HSD17B12: variants seen among roughly 807,000 people sequenced by gnomAD.
HSD17B12 encodes very-long-chain 3-oxoacyl-CoA reductase.
In HSD17B12, 32 loss-of-function variants were observed where a neutral mutation model predicts 39.3. The ratio of observed to expected loss-of-function variants is 0.81; its 90% CI spans 0.61 to 1.09. The LOEUF is 1.09. Ranked by LOEUF, HSD17B12 falls within the 50% of genes least tolerant of loss-of-function variation. The pLI is 0.00. For synonymous variants in HSD17B12, 150 were observed against 146.7 expected (o/e 1.02, Z -0.16); for missense variants, 342 against 382.9 (o/e 0.89, Z 0.89).
the HSD17B12 span, among the ~76,000 whole-genome samples, chr11:43,599,137 C>A: frequency 6.6e-6 from 1 of 152,138 alleles, no homozygotes. Flanking sequence ...AATTCTTATA[C>A]CTAGATAAAA....
intron 1 of HSD17B12, among the ~76,000 whole-genome samples, chr11:43,687,661 T>C (rs1438459799): frequency 6.6e-6 from 1 of 152,136 alleles, no homozygotes; most frequent in African/African-American, 2.4e-5. Context: ...CCAGGAAAGC[T>C]CAGATATGAG....
chr11:43,587,616 G>A, the HSD17B12 span, among the ~76,000 whole-genome samples: 1 of 152,352 alleles, frequency 6.6e-6, no homozygotes, highest in African/African-American at 2.4e-5. Flanking sequence ...GCTCGTAACT[G>A]AGAGGCAAGG....
chr11:43,745,217 T>G (rs1950402393), intron 1 of HSD17B12, among the ~76,000 whole-genome samples: 1 of 152,220 alleles, frequency 6.6e-6, no homozygotes. Context: ...TGTTTTTAGT[T>G]TTATGGTATG....
At chr11:43,847,059 G>A (rs1188304285) in intron 9 of HSD17B12, among the ~76,000 whole-genome samples, 1 of 144,756 alleles carries the variant, frequency 6.9e-6, no homozygotes, top group Non-Finnish European at 1.5e-5. Context: ...CTAAAAAAGA[G>A]TGATATGTTC....
At chr11:43,770,361 C>T (rs1950637378) in intron 3 of HSD17B12, among the ~76,000 whole-genome samples, 1 of 152,192 alleles carries the variant, frequency 6.6e-6, no homozygotes, top group Non-Finnish European at 1.5e-5. Flanking sequence ...CCAGCCCACT[C>T]ATATAGTGCA....
At chr11:43,580,749 A>ATTTGAATAAT in the HSD17B12 span, among the ~76,000 whole-genome samples, 1 of 151,804 alleles carries the variant, frequency 6.6e-6, no homozygotes. Flanking sequence ...ATATTTTAAC[A>ATTTGAATAAT]TGTTCCAGTC....
chr11:43,783,945 A>G (rs1318337309), intron 3 of HSD17B12, among the ~76,000 whole-genome samples: 1 of 152,250 alleles, frequency 6.6e-6, no homozygotes, highest in Non-Finnish European at 1.5e-5. Flanking sequence ...TATAGTGAGA[A>G]CAACCACATC....
the HSD17B12 span, among the ~76,000 whole-genome samples, chr11:43,575,931 TG>T: frequency 6.6e-6 from 1 of 152,102 alleles, no homozygotes; most frequent in Non-Finnish European, 1.5e-5. This position sits in a 1 kb window ranked among gnomAD's most constrained non-coding sequence, Gnocchi z 4.1. Context: ...TTGCAGAGCG[TG>T]GGTGGGAAAC....
intron 9 of HSD17B12, among the ~76,000 whole-genome samples, chr11:43,850,013 C>T (rs755855808): frequency 1.3e-5 from 2 of 152,194 alleles, no homozygotes; most frequent in Admixed American, 1.3e-4. Context: ...TATCAAGGAT[C>T]TTTGTGTAGA....
chr11:43,834,567 CTA>C (rs1239614623), intron 7 of HSD17B12, among the ~76,000 whole-genome samples: 2 of 152,134 alleles, frequency 1.3e-5, no homozygotes, highest in Non-Finnish European at 2.9e-5. Flanking sequence ...ATTACGTCCT[CTA>C]TGACAGTAGA....
At chr11:43,701,418 G>A (rs527581616) in intron 1 of HSD17B12, among the ~76,000 whole-genome samples, 2 of 152,260 alleles carry the variant, frequency 1.3e-5, no homozygotes, top group Admixed American at 1.3e-4. Flanking sequence ...CCAGACTAAT[G>A]TCCTTGAGAT....
intron 4 of HSD17B12, among the ~76,000 whole-genome samples, chr11:43,803,541 AC>A (rs1021053223): frequency 4.6e-5 from 7 of 152,176 alleles, no homozygotes; most frequent in African/African-American, 1.7e-4. Context: ...ACCAGGGTAC[AC>A]CCCATTTGTT....
At chr11:43,632,979 T>C in the HSD17B12 span, among the ~76,000 whole-genome samples, 1 of 152,302 alleles carries the variant, frequency 6.6e-6, no homozygotes, top group South Asian at 2.1e-4. Context: ...ATGGTATGTT[T>C]TGGTTATAAT....
chr11:43,558,490 T>G, the HSD17B12 span, among the ~76,000 whole-genome samples: 3 of 152,136 alleles, frequency 2.0e-5, no homozygotes, highest in East Asian at 5.8e-4. Flanking sequence ...TTTTTCCCCC[T>G]GCAAATCATC....
the HSD17B12 span, among the ~76,000 whole-genome samples, chr11:43,619,259 T>TATA: frequency 1.2e-5 from 1 of 82,052 alleles, no homozygotes; most frequent in African/African-American, 3.8e-5. Context: ...TATATATATA[T>TATA]TTTATATATA....
the HSD17B12 span, among the ~76,000 whole-genome samples, chr11:43,658,865 G>C: frequency 6.6e-6 from 1 of 152,226 alleles, no homozygotes; most frequent in Non-Finnish European, 1.5e-5. Flanking sequence ...GAGGCAGTCT[G>C]CCCGTTCTTA....
At chr11:43,749,684 G>T (rs1346717958) in intron 1 of HSD17B12, among the ~76,000 whole-genome samples, 2 of 151,134 alleles carry the variant, frequency 1.3e-5, no homozygotes, top group African/African-American at 4.9e-5. Context: ...GCAAGAACAT[G>T]ATGAAAGTCT....
At position 43,817,034 on chromosome 11, in the gene HSD17B12, CTA is replaced by C. The variant is rs1190622271; in HGVS notation, c.501+647_501+648del. Among the ~76,000 whole-genome samples, 47 of 17,544 alleles carry C rather than the reference CTA, an allele frequency of 2.7e-3. 1 individual carries two copies. The highest frequency in any genetic ancestry group is 5.5e-3 in the Non-Finnish European group (35 of 6,322). 11.5% of individuals were successfully genotyped at this position (17,544 alleles called of 152,430 possible). Reference sequence around the variant, plus strand: ...TCTATATCTATATCTATATCTATATCTATATCTATATATATATATATATATCT... The same window carrying C: ...TCTATATCTATATCTATATCTATATCTATCTATATATATATATATATATCT... On this transcript the variant is annotated intron_variant, in intron 6 of 10. Transcript: ENST00000278353.
the HSD17B12 span, among the ~76,000 whole-genome samples, chr11:43,643,554 G>T: frequency 6.6e-6 from 1 of 152,106 alleles, no homozygotes; most frequent in Non-Finnish European, 1.5e-5. Context: ...TATCTATCAA[G>T]AGAGTGAAAG....
Sources: gnomAD v4.1 joint callset for allele counts (sites outside exome capture counted in the v4.1 genomes callset) on GRCh38, gnomAD v4.1.1 for gene constraint, Gnocchi (gnomAD v3.1) non-coding constraint, MANE v1.5 for transcripts, NCBI Gene and HGNC (gene_info 2026-07-23, HGNC 2026-07-21) for gene names.